The following SINHCAF variants were observed in gnomAD, a reference collection of about 807,000 sequenced individuals.
SINHCAF encodes SIN3-HDAC complex associated factor, also known as SIN3-HDAC complex-associated factor.
In SINHCAF, 3 loss-of-function variants were observed where a neutral mutation model predicts 25.8. That is an observed-to-expected ratio of 0.12 (90% CI 0.05 to 0.30). The LOEUF (loss-of-function observed/expected upper bound fraction) is 0.30. Ranked by LOEUF, SINHCAF falls within the 10% of genes least tolerant of loss-of-function variation. The pLI, the probability that SINHCAF is intolerant of heterozygous loss-of-function variation, is 1.00. For synonymous variants in SINHCAF, 70 were observed against 85.5 expected, an observed-to-expected ratio of 0.82 and a Z score of 1.00; for missense variants, 121 against 262.3, an observed-to-expected ratio of 0.46 and a Z score of 3.72.
At chr12:31,322,608 A>G (rs1321351071) in intron 1 of SINHCAF, among the ~76,000 whole-genome samples, 2 of 152,236 alleles carry the variant, frequency 1.3e-5, no homozygotes, top group African/African-American at 4.8e-5. Context: ...ATGTACTAAT[A>G]TAGGTTGCCT....
intron 1 of SINHCAF, among the ~76,000 whole-genome samples, chr12:31,318,717 G>GA (rs796288937): frequency 0.011 from 1,654 of 146,584 alleles, 23 homozygotes; most frequent in African/African-American, 0.036. Context: ...TCCAGTACAT[G>GA]AAAAAAAAAA....
At chr12:31,301,057 C>T (rs141347732) in intron 1 of SINHCAF, among the ~76,000 whole-genome samples, 1 of 152,218 alleles carries the variant, frequency 6.6e-6, no homozygotes, top group Admixed American at 6.5e-5. Context: ...CAGCTCATCT[C>T]TAGGATGTGA....
chr12:31,283,145 T>C (rs1327266795), intron 5 of SINHCAF, among the ~76,000 whole-genome samples: 3 of 152,136 alleles, frequency 2.0e-5, no homozygotes, highest in African/African-American at 7.2e-5. Context: ...CTGCCCCTGA[T>C]GTTGTTAACT....
At chr12:31,301,513 A>G (rs1421107176) in intron 1 of SINHCAF, among the ~76,000 whole-genome samples, 1 of 152,222 alleles carries the variant, frequency 6.6e-6, no homozygotes, top group Non-Finnish European at 1.5e-5. Flanking sequence ...CACAAGGAGC[A>G]TGTGAACCTT....
At chr12:31,294,457 G>C (rs969378470) in intron 3 of SINHCAF, among the ~76,000 whole-genome samples, 1 of 152,066 alleles carries the variant, frequency 6.6e-6, no homozygotes, top group Non-Finnish European at 1.5e-5. Flanking sequence ...AGGTCTTCAG[G>C]CCTATTCTTT....
chr12:31,307,032 G>A (rs1243585860), intron 1 of SINHCAF, among the ~76,000 whole-genome samples: 2 of 152,156 alleles, frequency 1.3e-5, no homozygotes, highest in Non-Finnish European at 2.9e-5. Context: ...ATTCTTGTAG[G>A]TCTGTCCTTG....
intron 5 of SINHCAF, among the ~76,000 whole-genome samples, chr12:31,285,523 T>C (rs1270197612): frequency 6.7e-6 from 1 of 148,586 alleles, no homozygotes; most frequent in Non-Finnish European, 1.5e-5. Flanking sequence ...TTTGATATTT[T>C]ACTACATTAT....
chr12:31,290,788 C>T (rs1592959795), intron 4 of SINHCAF, among the ~76,000 whole-genome samples: 1 of 152,340 alleles, frequency 6.6e-6, no homozygotes, highest in East Asian at 1.9e-4. Flanking sequence ...AGCACAATCT[C>T]GGCTCACCAC....
rs1050648358 is a variant in SINHCAF, at chr12:31,325,099, G to C, written c.-21+925C>G. 8 of 456,626 alleles carry C rather than the reference G, an allele frequency of 1.8e-5. No homozygotes were observed. The highest frequency in any genetic ancestry group is 1.2e-4 in the South Asian group (8 of 64,576). The allele number at this position is 456,626 out of a possible 1,614,324, so 28.3% of individuals were successfully genotyped here. On this transcript the variant is annotated intron_variant, in intron 1 of 5. Coordinates refer to ENST00000337682, the MANE Select transcript of SINHCAF (RefSeq NM_001135812.2). The surrounding 1 kb of genome is among the most constrained non-coding windows in gnomAD (Gnocchi z 5.9). ...TGCGGAGTTCACTGACTCCCGCGGC[G>C]TACACAACGCCGCCGCCTCCATCTC... is the stretch of plus-strand genomic sequence containing the variant.
At chr12:31,317,620 T>C (rs1939543362) in intron 1 of SINHCAF, among the ~76,000 whole-genome samples, 2 of 152,156 alleles carry the variant, frequency 1.3e-5, no homozygotes, top group African/African-American at 2.4e-5. Context: ...CTGCTTTTTT[T>C]TTTTTAACCA....
At chr12:31,293,080 C>T (rs1211107829) in intron 4 of SINHCAF, among the ~76,000 whole-genome samples, 3 of 152,198 alleles carry the variant, frequency 2.0e-5, no homozygotes, top group African/African-American at 7.2e-5. Flanking sequence ...ATTTATTCCA[C>T]TAAATGTGAA....
intron 1 of SINHCAF, among the ~76,000 whole-genome samples, chr12:31,313,992 G>C (rs577117465): frequency 6.6e-6 from 1 of 151,516 alleles, no homozygotes; most frequent in Non-Finnish European, 1.5e-5. Context: ...AAGAGAAAGA[G>C]AATTAGGAAT....
intron 1 of SINHCAF, among the ~76,000 whole-genome samples, chr12:31,312,351 G>A (rs1045414357): frequency 1.3e-5 from 2 of 151,534 alleles, no homozygotes; most frequent in African/African-American, 2.4e-5. Context: ...ATTGTTTTAC[G>A]TATTTTGTGT....
At chr12:31,303,256 T>C (rs1938879946) in intron 1 of SINHCAF, 1 of 981,556 alleles carries the variant, frequency 1.0e-6, no homozygotes, top group Non-Finnish European at 1.2e-6. Context: ...TTGATCAAAA[T>C]TTCTCTTTAG....
intron 1 of SINHCAF, among the ~76,000 whole-genome samples, chr12:31,306,725 T>C (rs1245671958): frequency 1.3e-5 from 2 of 152,156 alleles, no homozygotes; most frequent in Admixed American, 6.6e-5. Context: ...AAAAGCGAGA[T>C]CCAAGACTAG....
intron 4 of SINHCAF, among the ~76,000 whole-genome samples, chr12:31,293,141 TC>T (rs1456303379): frequency 1.3e-5 from 2 of 152,196 alleles, no homozygotes; most frequent in Non-Finnish European, 2.9e-5. Flanking sequence ...TCAATAATGC[TC>T]CTTCAAACCC....
chr12:31,309,194 G>T (rs1939158807), intron 1 of SINHCAF, among the ~76,000 whole-genome samples: 1 of 150,912 alleles, frequency 6.6e-6, no homozygotes. Flanking sequence ...ACAGGTGTAT[G>T]AAGGTTAAGA....
intron 4 of SINHCAF, among the ~76,000 whole-genome samples, chr12:31,292,415 C>T (rs1478288308): frequency 6.6e-6 from 1 of 151,826 alleles, no homozygotes; most frequent in East Asian, 1.9e-4. Context: ...ACAAGAATTG[C>T]TTGTACCCCA....
chr12:31,287,373 T>G (rs1449819754), intron 5 of SINHCAF, among the ~76,000 whole-genome samples: 1 of 152,186 alleles, frequency 6.6e-6, no homozygotes, highest in Non-Finnish European at 1.5e-5. Flanking sequence ...TTTTACTGAT[T>G]CTCTCCACTG....
Sources: gnomAD v4.1 joint callset for allele counts (sites outside exome capture counted in the v4.1 genomes callset) on GRCh38, gnomAD v4.1.1 for gene constraint, Gnocchi (gnomAD v3.1) non-coding constraint, MANE v1.5 for transcripts, NCBI Gene and HGNC (gene_info 2026-07-23, HGNC 2026-07-21) for gene names.